Variants in ERBB4 observed in about 807,000 individuals in gnomAD.
The protein encoded by ERBB4 is erb-b2 receptor tyrosine kinase 4, also known as receptor tyrosine-protein kinase erbB-4.
A neutral mutation model predicts 158.0 loss-of-function variants in ERBB4; 42 were observed. That is an observed-to-expected ratio of 0.27 (90% CI 0.21 to 0.34). The LOEUF (loss-of-function observed/expected upper bound fraction) is 0.34. Among genes scored for constraint, ERBB4 ranks in the 10% least tolerant of loss-of-function variants. ERBB4 has a pLI of 1.00. For missense variants in ERBB4, 1,333 were observed against 1,624.1 expected (o/e 0.82, Z 3.08); for synonymous variants, 583 against 558.7 (o/e 1.04, Z -0.61).
At chr2:212,477,205 C>T (rs1041127216) in intron 1 of ERBB4, among the ~76,000 whole-genome samples, 2 of 152,012 alleles carry the variant, frequency 1.3e-5, no homozygotes, top group Admixed American at 6.6e-5. Context: ...CAAAGTAGTA[C>T]AAAGGTCTAG....
At chr2:212,281,548 C>T (rs143351657) in intron 1 of ERBB4, among the ~76,000 whole-genome samples, 39 of 151,782 alleles carry the variant, frequency 2.6e-4, no homozygotes, top group African/African-American at 7.5e-4. Context: ...GTTGCTCTAG[C>T]TCTCTGTGTT....
chr2:211,983,873 G>A (rs1200366843), intron 2 of ERBB4, among the ~76,000 whole-genome samples: 4 of 152,130 alleles, frequency 2.6e-5, no homozygotes, highest in African/African-American at 7.2e-5. Flanking sequence ...GTATAAAAAT[G>A]TCTAAAATCC....
At chr2:212,212,417 C>T (rs950386189) in intron 1 of ERBB4, among the ~76,000 whole-genome samples, 6 of 151,740 alleles carry the variant, frequency 4.0e-5, no homozygotes, top group South Asian at 2.1e-4. Flanking sequence ...TAAGAAAGGA[C>T]GCAGACAAAT....
chr2:211,442,232 C>T (rs2063994843), intron 20 of ERBB4, among the ~76,000 whole-genome samples: 1 of 152,102 alleles, frequency 6.6e-6, no homozygotes, highest in South Asian at 2.1e-4. Context: ...CACACTCTTC[C>T]TACCATGCTA....
intron 3 of ERBB4, among the ~76,000 whole-genome samples, chr2:211,910,533 A>G (rs2079516371): frequency 1.3e-5 from 2 of 151,720 alleles, no homozygotes; most frequent in African/African-American, 4.8e-5. Flanking sequence ...ATGAGAACAC[A>G]TAGACACATA....
chr2:212,094,291 T>A (rs959713981), intron 2 of ERBB4, among the ~76,000 whole-genome samples: 16 of 149,810 alleles, frequency 1.1e-4, no homozygotes, highest in Admixed American at 7.3e-4. Flanking sequence ...AAAATAAAAT[T>A]AAATTACATA....
chr2:212,464,905 CA>C (rs1688753732), intron 1 of ERBB4, among the ~76,000 whole-genome samples: 1 of 151,636 alleles, frequency 6.6e-6, no homozygotes, highest in South Asian at 2.1e-4. Context: ...CACACACACA[CA>C]CACACACACA....
intron 19 of ERBB4, among the ~76,000 whole-genome samples, chr2:211,562,973 G>A (rs1052833325): frequency 1.3e-5 from 2 of 151,744 alleles, no homozygotes; most frequent in South Asian, 2.1e-4. Context: ...GGGTTTCACC[G>A]TTTTAGCCGG....
intron 2 of ERBB4, among the ~76,000 whole-genome samples, chr2:211,966,138 CAA>C (rs2081305034): frequency 6.6e-6 from 1 of 152,010 alleles, no homozygotes; most frequent in Non-Finnish European, 1.5e-5. Context: ...TGCATGAGCC[CAA>C]GAGATTAAGA....
chr2:211,576,660 CAT>C (rs2067902039), intron 19 of ERBB4, among the ~76,000 whole-genome samples: 1 of 152,018 alleles, frequency 6.6e-6, no homozygotes, highest in Non-Finnish European at 1.5e-5. Flanking sequence ...ATTAAAAAGA[CAT>C]ATATCCTACT....
At chr2:211,505,321 GAA>G (rs74269733) in intron 20 of ERBB4, among the ~76,000 whole-genome samples, 23,500 of 149,450 alleles carry the variant, frequency 0.16, 3,085 homozygotes, top group African/African-American at 0.37. Flanking sequence ...AAAGAAAAAA[GAA>G]AAAAAAAATC....
intron 1 of ERBB4, among the ~76,000 whole-genome samples, chr2:212,375,921 A>G (rs560176346): frequency 6.6e-6 from 1 of 152,132 alleles, no homozygotes; most frequent in Non-Finnish European, 1.5e-5. Flanking sequence ...TCAGCAGTTT[A>G]CAAATGGATA....
chr2:212,522,450 AATAGC>A (rs1692223662), intron 1 of ERBB4, among the ~76,000 whole-genome samples: 12 of 133,792 alleles, frequency 9.0e-5, no homozygotes, highest in Admixed American at 3.0e-4. Context: ...TAAAACGTTG[AATAGC>A]TTGAGTCGGA....
intron 3 of ERBB4, among the ~76,000 whole-genome samples, chr2:211,792,626 A>G (rs906286091): frequency 1.1e-4 from 16 of 151,876 alleles, no homozygotes; most frequent in Admixed American, 2.6e-4. Context: ...ATCACCTTGC[A>G]TATGCTACAG....
intron 2 of ERBB4, among the ~76,000 whole-genome samples, chr2:211,958,267 T>C (rs1030928498): frequency 6.6e-6 from 1 of 152,086 alleles, no homozygotes. Context: ...AATTCAAACA[T>C]ACGCAATAGG....
At chr2:212,447,377 G>A (rs1175688532) in intron 1 of ERBB4, among the ~76,000 whole-genome samples, 1 of 148,494 alleles carries the variant, frequency 6.7e-6, no homozygotes, top group Non-Finnish European at 1.5e-5. Flanking sequence ...CCTACAAAAA[G>A]CTATTTTTTC....
intron 2 of ERBB4, among the ~76,000 whole-genome samples, chr2:212,056,625 A>G (rs2077580292): frequency 6.6e-6 from 1 of 152,204 alleles, no homozygotes; most frequent in Admixed American, 6.5e-5. Context: ...ACCAATATTC[A>G]ACATTCTTAA....
chr2:211,506,720 C>A (rs1422883120), intron 20 of ERBB4, among the ~76,000 whole-genome samples: 1 of 151,790 alleles, frequency 6.6e-6, no homozygotes, highest in Admixed American at 6.6e-5. Context: ...AACAGAGACA[C>A]AACATACTAA....
intron 5 of ERBB4, among the ~76,000 whole-genome samples, chr2:211,745,738 A>AAAC (rs1281126282): frequency 6.6e-6 from 1 of 151,282 alleles, no homozygotes; most frequent in African/African-American, 2.4e-5. Flanking sequence ...AACAAAACAA[A>AAAC]AAAAACCCTT....
Sources: gnomAD v4.1 joint callset for allele counts (sites outside exome capture counted in the v4.1 genomes callset) on GRCh38, gnomAD v4.1.1 for gene constraint, MANE v1.5 for transcripts, NCBI Gene and HGNC (gene_info 2026-07-23, HGNC 2026-07-21) for gene names.